The following TM4SF5 variants were observed in gnomAD, a reference collection of about 807,000 sequenced individuals.
TM4SF5 encodes the protein transmembrane 4 L6 family member 5.
In TM4SF5, 16 loss-of-function variants were observed where a neutral mutation model predicts 22.3. That is an observed-to-expected ratio of 0.72 (90% CI 0.49 to 1.09). The LOEUF is 1.09. TM4SF5 is among the 50% of genes least tolerant of loss of function. The pLI, the probability that TM4SF5 is intolerant of heterozygous loss-of-function variation, is 0.00. For missense variants in TM4SF5, 249 were observed against 266.1 expected, an observed-to-expected ratio of 0.94 and a Z score of 0.45; for synonymous variants, 113 against 109.6, an observed-to-expected ratio of 1.03 and a Z score of -0.19.
At chr17:4,772,125 G>T in intron 1 of TM4SF5, 26 bp downstream of exon 1, 1 of 1,613,684 alleles carries the variant, frequency 6.2e-7, no homozygotes, top group South Asian at 1.1e-5. Context: ...GGGGAGCCCG[G>T]GCCAGCTGGC....
intron 1 of TM4SF5, among the ~76,000 whole-genome samples, chr17:4,778,150 C>T (rs1917240875): frequency 6.6e-6 from 1 of 152,116 alleles, no homozygotes; most frequent in South Asian, 2.1e-4. Context: ...AGTGACCTAA[C>T]CAGGGAGGTA....
Position 4,772,075 on chromosome 17 carries a change from C to T in TM4SF5, c.153C>T (p.Gly51=), listed in dbSNP as rs775817501. ...TCAGCTTGCAAGTCTGGCTCATGGG[C>T]GGCTTCATTGGCGGGGGCCTAATGG... ...NHLSLQVWLM[G]GFIGGGLMVL... The change falls in exon 1 of 5, where the codon GGC becomes GGT. Residue 51 remains glycine (G), a synonymous_variant. Coordinates refer to ENST00000270560, the MANE Select transcript of TM4SF5 (RefSeq NM_003963.3). 8 of 1,614,036 alleles carry T rather than the reference C, an allele frequency of 5.0e-6. No homozygotes were observed. The highest frequency in any genetic ancestry group is 1.3e-5 in the African/African-American group (1 of 74,920).
Sources: gnomAD v4.1 joint callset for allele counts (sites outside exome capture counted in the v4.1 genomes callset) on GRCh38, gnomAD v4.1.1 for gene constraint, MANE v1.5 for transcripts, NCBI Gene and HGNC (gene_info 2026-07-23, HGNC 2026-07-21) for gene names.